The following PCDHGB2 variants were observed in gnomAD, a reference collection of about 807,000 sequenced individuals.
The protein encoded by PCDHGB2 is protocadherin gamma-B2.
A neutral mutation model predicts 59.3 loss-of-function variants in PCDHGB2; 55 were observed. The observed-to-expected ratio is 0.93, with a 90% CI of 0.75 to 1.16. The LOEUF is 1.16. Among genes scored for constraint, PCDHGB2 ranks in the 50% most tolerant of loss-of-function variants. The pLI is 0.00. For missense variants in PCDHGB2, 1,228 were observed against 1,198.5 expected, an observed-to-expected ratio of 1.02 and a Z score of -0.36; for synonymous variants, 516 against 512.0, an observed-to-expected ratio of 1.01 and a Z score of -0.11.
At chr5:141,498,971 GGGAAGGAAGGAAGGAAGGAA>G (rs201769957) in intron 2 of PCDHGB2, among the ~76,000 whole-genome samples, 1,566 of 111,048 alleles carry the variant, frequency 0.014, 32 homozygotes, top group African/African-American at 0.048. Flanking sequence ...GAGGGAGGGA[GGGAAGGAAGGAAGGAAGGAA>G]GGAAGGAAGG....
At chr5:141,421,418 G>A (rs771088122) in intron 1 of PCDHGB2, 1 of 1,614,086 alleles carries the variant, frequency 6.2e-7, no homozygotes, top group Admixed American at 1.7e-5. Flanking sequence ...GCGAAGCGCG[G>A]AGTCCGCATC....
chr5:141,446,850 C>T (rs1027473189), intron 1 of PCDHGB2, among the ~76,000 whole-genome samples: 2 of 152,114 alleles, frequency 1.3e-5, no homozygotes, highest in Non-Finnish European at 2.9e-5. Flanking sequence ...GCATAATAAG[C>T]TTCCTGATAG....
intron 2 of PCDHGB2, among the ~76,000 whole-genome samples, chr5:141,500,901 G>A (rs984072329): frequency 7.6e-5 from 11 of 144,582 alleles, no homozygotes; most frequent in African/African-American, 2.6e-4. Flanking sequence ...AGACAGTCTC[G>A]CTCTGTCTCC....
intron 1 of PCDHGB2, chr5:141,416,678 G>T (rs2096051953): frequency 6.6e-6 from 1 of 151,990 alleles, no homozygotes; most frequent in Non-Finnish European, 1.5e-5. Flanking sequence ...TGCAACGAAG[G>T]GAAATTATAT....
rs528172004 is a variant in PCDHGB2 at position 141,370,968 on chromosome 5, C to G, written c.2421+8412C>G. The G allele has an allele frequency of 1.1e-3, 1,752 of 1,613,966 alleles. 34 individuals are homozygous for G. In the South Asian group the frequency reaches 0.018, roughly 17 times the overall value. On this transcript the variant is annotated intron_variant, in intron 1 of 3. Coordinates refer to ENST00000522605, the MANE Select transcript of PCDHGB2 (RefSeq NM_018923.3). Reference sequence around the variant, plus strand: ...GGAGAACCTGGATGGCAGTAGGTACCCAGAGCTAGTACTGAAAGCACCCCT... The same window carrying G: ...GGAGAACCTGGATGGCAGTAGGTACGCAGAGCTAGTACTGAAAGCACCCCT...
rs376764580 is a variant in PCDHGB2 at position 141,400,568 on chromosome 5, T to C, written c.2421+38012T>C. On this transcript the variant is annotated intron_variant, in intron 1 of 3. Coordinates refer to ENST00000522605, the MANE Select transcript of PCDHGB2 (RefSeq NM_018923.3). ...TATTCTTTTTCATTACCCACCCAATTTTCTGTATTTACATGAAACTATCGT... is the reference window on the plus strand; with the variant it reads ...TATTCTTTTTCATTACCCACCCAATCTTCTGTATTTACATGAAACTATCGT... 46 of 1,612,870 alleles carry C rather than the reference T, an allele frequency of 2.9e-5. No homozygotes were observed. In the African/African-American group the frequency reaches 5.7e-4, roughly 20 times the overall value.
At chr5:141,410,258 G>C in intron 1 of PCDHGB2, 1 of 1,614,022 alleles carries the variant, frequency 6.2e-7, no homozygotes, top group Non-Finnish European at 8.5e-7. Context: ...TGACCCCCAG[G>C]CTGAACTGCA....
intron 1 of PCDHGB2, among the ~76,000 whole-genome samples, chr5:141,456,946 G>A (rs182320066): frequency 2.3e-4 from 35 of 152,284 alleles, no homozygotes; most frequent in Admixed American, 2.3e-3. Context: ...CTGGGCAACA[G>A]AGCAAAACTC....
intron 1 of PCDHGB2, chr5:141,374,293 T>C (rs369929839): frequency 1.2e-6 from 2 of 1,613,788 alleles, no homozygotes; most frequent in African/African-American, 1.3e-5. Context: ...TCTCCAGAGG[T>C]AGGATGCAGC....
intron 1 of PCDHGB2, chr5:141,370,594 G>A (rs755061180): frequency 1.2e-6 from 2 of 1,613,892 alleles, no homozygotes; most frequent in Admixed American, 1.7e-5. Context: ...AGGAACCTGC[G>A]GGTTATTGCA....
At chr5:141,418,674 GCAT>G (rs1401114725) in intron 1 of PCDHGB2, 1 of 1,614,032 alleles carries the variant, frequency 6.2e-7, no homozygotes, top group Non-Finnish European at 8.5e-7. Flanking sequence ...CAGGACGAGG[GCAT>G]CAACTCAGAG....
chr5:141,426,104 A>T (rs2096915289), intron 1 of PCDHGB2, among the ~76,000 whole-genome samples: 1 of 152,258 alleles, frequency 6.6e-6, no homozygotes, highest in Non-Finnish European at 1.5e-5. Flanking sequence ...GTTCAGTCAC[A>T]GAAGCAAGTC....
chr5:141,362,679 C>A, intron 1 of PCDHGB2, 123 bp downstream of exon 1: 1 of 1,209,570 alleles, frequency 8.3e-7, no homozygotes. Context: ...CCTTAATTGT[C>A]TTAATCTTAT....
chr5:141,509,843 C>T (rs1596253565), intron 3 of PCDHGB2, among the ~76,000 whole-genome samples: 1 of 152,178 alleles, frequency 6.6e-6, no homozygotes, highest in African/African-American at 2.4e-5. Context: ...CTCCCATTCA[C>T]TCAGAACAGG....
At chr5:141,413,528 T>C in intron 1 of PCDHGB2, 1 of 1,613,834 alleles carries the variant, frequency 6.2e-7, no homozygotes, top group Non-Finnish European at 8.5e-7. Context: ...GAAGACAGGG[T>C]GAAACTTTTT....
intron 1 of PCDHGB2, chr5:141,393,206 A>C (rs774279389): frequency 1.2e-6 from 2 of 1,613,470 alleles, no homozygotes; most frequent in African/African-American, 1.3e-5. Context: ...ATAATAACCC[A>C]AAATTCCAGG....
At chr5:141,421,523 C>G in intron 1 of PCDHGB2, 1 of 1,614,034 alleles carries the variant, frequency 6.2e-7, no homozygotes, top group Non-Finnish European at 8.5e-7. Context: ...CTCTGTGAGA[C>G]GGTGTCCTCC....
rs753994650 is a variant in PCDHGB2 at position 141,362,173 on chromosome 5, G to A, written c.2038G>A (p.Glu680Lys). ...ATTGCCAGACCTCAGCGACCGCCGG[G>A]AGCCCTCTGACCCCCAGGCAAAACT... ...EVLPDLSDRR[E>K]PSDPQAKLQF... Residue 680 changes from glutamate (E) to lysine (K), a missense_variant, in exon 1 of 4, where the codon GAG (glutamate) becomes AAG (lysine). Transcript: ENST00000522605. 8.7e-6 allele frequency: 14 copies of A among 1,614,042 alleles called. No individual in the cohort carries two copies. In the South Asian group the frequency reaches 1.4e-4, roughly 16 times the overall value.
intron 1 of PCDHGB2, chr5:141,418,597 G>A (rs2096274061): frequency 3.7e-6 from 6 of 1,614,052 alleles, no homozygotes; most frequent in Non-Finnish European, 5.1e-6. Flanking sequence ...GCCAGGACGT[G>A]TACAGGGTTA....
Sources: allele counts gnomAD v4.1 joint callset (sites outside exome capture counted in the v4.1 genomes callset), GRCh38; gene constraint gnomAD v4.1.1; transcripts MANE v1.5; gene names NCBI Gene and HGNC (gene_info 2026-07-23, HGNC 2026-07-21).